Variants in FAM117A observed in about 807,000 individuals in gnomAD.
FAM117A encodes the protein family with sequence similarity 117 member A.
A neutral mutation model predicts 44.1 loss-of-function variants in FAM117A; 21 were observed. The ratio of observed to expected loss-of-function variants is 0.48; its 90% CI spans 0.34 to 0.69. The LOEUF (loss-of-function observed/expected upper bound fraction) is 0.69, where lower values mean the gene tolerates loss of function less well. Among genes scored for constraint, FAM117A ranks in the 30% least tolerant of loss-of-function variants. The pLI is 0.01. For synonymous variants in FAM117A, 220 were observed against 238.3 expected, an observed-to-expected ratio of 0.92 and a Z score of 0.71; for missense variants, 498 against 589.9, an observed-to-expected ratio of 0.84 and a Z score of 1.61.
At chr17:49,786,778 GAAA>G (rs35017139) in intron 1 of FAM117A, among the ~76,000 whole-genome samples, 7 of 117,188 alleles carry the variant, frequency 6.0e-5, no homozygotes, top group South Asian at 2.7e-4. Context: ...CCCTGTCTCA[GAAA>G]AAAAAAAAAA....
chr17:49,750,513 G>A lies in FAM117A; in HGVS notation c.196+13379C>T, dbSNP rs1027778349. Among the ~76,000 whole-genome samples, 12 of 151,864 alleles carry A rather than the reference G, an allele frequency of 7.9e-5. 1 individual carries two copies. In the South Asian group the frequency reaches 1.7e-3, roughly 21 times the overall value. On this transcript the variant is annotated intron_variant, in intron 1 of 7. Coordinates refer to ENST00000240364, the MANE Select transcript of FAM117A (RefSeq NM_030802.4). ...TTACTGGCCGGGCATGGTGGCTCAC[G>A]CCTGTAATCCCAGCACTTTGGGAGG...
chr17:49,733,237 C>T (rs1218405924), intron 1 of FAM117A, among the ~76,000 whole-genome samples: 2 of 152,210 alleles, frequency 1.3e-5, no homozygotes, highest in Non-Finnish European at 2.9e-5. Flanking sequence ...CTGGTTAGCT[C>T]CCCAGGGAAC....
At chr17:49,746,963 T>A (rs2073656690) in intron 1 of FAM117A, among the ~76,000 whole-genome samples, 1 of 152,058 alleles carries the variant, frequency 6.6e-6, no homozygotes, top group South Asian at 2.1e-4. Flanking sequence ...TCATTACACG[T>A]CCCCAGCTGT....
intron 1 of FAM117A, among the ~76,000 whole-genome samples, chr17:49,775,034 G>A (rs1277791040): frequency 6.6e-6 from 1 of 152,114 alleles, no homozygotes; most frequent in African/African-American, 2.4e-5. Context: ...TGTTGCCTAG[G>A]CTGGAGTGCA....
chr17:49,720,187 C>A (rs1020521179), intron 4 of FAM117A, 139 bp downstream of exon 4: 3 of 727,850 alleles, frequency 4.1e-6, no homozygotes, highest in East Asian at 2.7e-5. Flanking sequence ...CACAGCAAGA[C>A]CAAGTTTGGA....
At position 49,717,614 on chromosome 17, in the gene FAM117A, G is replaced by A; in HGVS notation, c.809C>T (p.Ser270Phe). Residue 270 changes from serine to phenylalanine, a missense_variant, in exon 6 of 8, where the codon TCT becomes TTT. Around this residue, in one of 3 missense-constraint regions of FAM117A, gnomAD observed 224 missense variants for 296.5 expected, o/e 0.76. Coordinates refer to ENST00000240364, the MANE Select transcript of FAM117A (RefSeq NM_030802.4). Reference sequence around the variant, plus strand: ...GGGAGATGCCAAGGACATGGAAGGAGAGCTGGCAAGGTTGCCAGGCTCCAG... The same window carrying A: ...GGGAGATGCCAAGGACATGGAAGGAAAGCTGGCAAGGTTGCCAGGCTCCAG... ...LLLEPGNLAS[S>F]PSMSLASPQP... 1 of 1,614,186 alleles carries A rather than the reference G, an allele frequency of 6.2e-7. No individual in the cohort carries two copies. Among genetic ancestry groups the A allele is most frequent in the Non-Finnish European group, 8.5e-7 (1 of 1,180,028 alleles).
intron 1 of FAM117A, among the ~76,000 whole-genome samples, chr17:49,739,598 G>A (rs1381855201): frequency 6.6e-6 from 1 of 152,234 alleles, no homozygotes; most frequent in African/African-American, 2.4e-5. Flanking sequence ...CCCTGCACTT[G>A]TGTGATTATT....
chr17:49,788,592 T>G, exon 1 of FAM117A: 1 of 416,734 alleles, frequency 2.4e-6, no homozygotes, highest in Non-Finnish European at 4.3e-6. Context: ...AGGATCGAAC[T>G]TCCCAGCACC....
At chr17:49,732,767 G>A (rs779616823) in intron 1 of FAM117A, 47 bp from the exon 2 acceptor site, 1 of 1,583,238 alleles carries the variant, frequency 6.3e-7, no homozygotes, top group Non-Finnish European at 8.6e-7. Flanking sequence ...CATGGAGGAA[G>A]GAGACGTGGC....
At chr17:49,714,877 C>T (rs563986492) in intron 7 of FAM117A, among the ~76,000 whole-genome samples, 3 of 151,878 alleles carry the variant, frequency 2.0e-5, no homozygotes, top group South Asian at 4.2e-4. Flanking sequence ...AAACTCCTGA[C>T]CTCAGGTGAT....
At chr17:49,781,890 C>A (rs933214280) in intron 1 of FAM117A, among the ~76,000 whole-genome samples, 1 of 152,130 alleles carries the variant, frequency 6.6e-6, no homozygotes, top group Non-Finnish European at 1.5e-5. Context: ...GCAGGAGGAT[C>A]GCTTGAAACC....
At chr17:49,744,617 G>C (rs1035426627) in intron 1 of FAM117A, among the ~76,000 whole-genome samples, 8 of 151,822 alleles carry the variant, frequency 5.3e-5, no homozygotes, top group African/African-American at 1.7e-4. Context: ...ACCTTGCCTG[G>C]CCTCCCTGCA....
At chr17:49,749,325 C>T (rs2073666115) in intron 1 of FAM117A, among the ~76,000 whole-genome samples, 2 of 152,020 alleles carry the variant, frequency 1.3e-5, no homozygotes, top group Admixed American at 1.3e-4. Context: ...CACCTGTAAT[C>T]CCAGCACTTT....
At chr17:49,779,242 TG>T (rs1256818570) in intron 1 of FAM117A, among the ~76,000 whole-genome samples, 2 of 152,162 alleles carry the variant, frequency 1.3e-5, no homozygotes, top group Non-Finnish European at 1.5e-5. Context: ...GATAGGCACA[TG>T]GAATGAAGGT....
chr17:49,780,344 A>C (rs923308554), intron 1 of FAM117A, among the ~76,000 whole-genome samples: 41 of 152,194 alleles, frequency 2.7e-4, no homozygotes, highest in Admixed American at 2.5e-3. Context: ...CCAGGAAAGT[A>C]GTGTCTACAG....
At chr17:49,712,514 T>A (rs12601880) in intron 7 of FAM117A, among the ~76,000 whole-genome samples, 19,917 of 152,216 alleles carry the variant, frequency 0.13, 2,078 homozygotes, top group East Asian at 0.53. Context: ...TTTATTGTTG[T>A]TGTTTTGTTT....
chr17:49,781,626 T>G (rs150080658), intron 1 of FAM117A, among the ~76,000 whole-genome samples: 1 of 152,166 alleles, frequency 6.6e-6, no homozygotes, highest in Non-Finnish European at 1.5e-5. Flanking sequence ...ACAGTGAGTA[T>G]AGTTACAATT....
At chr17:49,740,980 C>T (rs1882567484) in intron 1 of FAM117A, among the ~76,000 whole-genome samples, 2 of 152,150 alleles carry the variant, frequency 1.3e-5, no homozygotes, top group African/African-American at 4.8e-5. Context: ...AAACAAGCCC[C>T]TGACCAGTGG....
At chr17:49,730,846 CA>C (rs2073581686) in intron 2 of FAM117A, among the ~76,000 whole-genome samples, 2 of 152,128 alleles carry the variant, frequency 1.3e-5, no homozygotes, top group Non-Finnish European at 2.9e-5. Flanking sequence ...CAAAGAGGGC[CA>C]TGATTTTAAC....
Sources: gnomAD v4.1 joint callset for allele counts (sites outside exome capture counted in the v4.1 genomes callset) on GRCh38, gnomAD v4.1.1 for gene constraint, gnomAD v4.1.1 regional missense constraint, MANE v1.5 for transcripts, NCBI Gene and HGNC (gene_info 2026-07-23, HGNC 2026-07-21) for gene names.